The following UNC80 variants were observed in gnomAD, a reference collection of about 807,000 sequenced individuals.
The protein encoded by UNC80 is unc-80 subunit of NALCN channel complex, also known as protein unc-80 homolog.
Under a neutral mutation model 384.6 loss-of-function variants are expected in UNC80, and 164 were observed. The observed-to-expected ratio is 0.43, with a 90% CI of 0.38 to 0.49. The LOEUF is 0.49. Among genes scored for constraint, UNC80 ranks in the 20% least tolerant of loss-of-function variants. The pLI is 0.00. For synonymous variants in UNC80, 1,486 were observed against 1,527.8 expected, an observed-to-expected ratio of 0.97 and a Z score of 0.64; for missense variants, 3,330 against 4,143.0, an observed-to-expected ratio of 0.80 and a Z score of 5.39.
chr2:209,839,425 CCAT>C lies in UNC80; in HGVS notation c.3246_3248del (p.Ile1083del). The stretch of plus-strand genomic sequence containing the variant: ...TCCCTCCGAAAGAAGCTTAAACTCC[CCAT>C]AGGTAAAAGTATGTCTGTATTTGTT... On this transcript the variant is annotated inframe_deletion and splice_region_variant, in exon 19 of 65. Transcript: ENST00000673920. This position sits in a 1 kb window ranked among gnomAD's most constrained non-coding sequence, Gnocchi z 4.1. 6.4e-7 allele frequency: 1 copy of C among 1,552,002 alleles called. No individual in the cohort carries two copies. The highest frequency in any genetic ancestry group is 8.7e-7 in the Non-Finnish European group (1 of 1,147,066).
At chr2:209,908,489 A>G (rs1382005790) in intron 29 of UNC80, among the ~76,000 whole-genome samples, 4 of 152,212 alleles carry the variant, frequency 2.6e-5, no homozygotes, top group African/African-American at 9.6e-5. Context: ...TTTTTCCTCT[A>G]TGTCTGTACT....
chr2:209,775,813 C>G, intron 2 of UNC80, 76 bp from the exon 3 acceptor site: 1 of 1,482,090 alleles, frequency 6.7e-7, no homozygotes, highest in Non-Finnish European at 9.2e-7. Context: ...TTTTCACTAA[C>G]CAGAATCTTC....
intron 51 of UNC80, among the ~76,000 whole-genome samples, chr2:209,964,201 A>G (rs2092678998): frequency 1.3e-5 from 2 of 152,200 alleles, no homozygotes. Flanking sequence ...AAAGAATTAC[A>G]TGATATTACC....
intron 4 of UNC80, among the ~76,000 whole-genome samples, chr2:209,781,530 G>A (rs2077155168): frequency 6.6e-6 from 1 of 151,824 alleles, no homozygotes; most frequent in Non-Finnish European, 1.5e-5. Flanking sequence ...CTATCATCAT[G>A]CCCTCTTCTT....
At chr2:209,971,851 A>G (rs1450137479) in intron 54 of UNC80, among the ~76,000 whole-genome samples, 1 of 152,234 alleles carries the variant, frequency 6.6e-6, no homozygotes, top group Non-Finnish European at 1.5e-5. Context: ...GCAAGTGAGA[A>G]GTTCTGATTT....
intron 51 of UNC80, chr2:209,960,881 G>A (rs941109944): frequency 6.6e-6 from 1 of 152,186 alleles, no homozygotes; most frequent in African/African-American, 2.4e-5. Context: ...GAGTGTTAAG[G>A]TACTGCTGTC....
chr2:209,927,073 C>T, intron 36 of UNC80, 87 bp downstream of exon 36: 1 of 1,387,692 alleles, frequency 7.2e-7, no homozygotes, highest in Non-Finnish European at 9.8e-7. Context: ...AACACATTAT[C>T]TACTGGCCAC....
rs749053111 is a variant in UNC80, at chr2:209,842,363, G to A, written c.3371G>A (p.Ser1124Asn). ...TTCTTTTTTCAGGTCAAATTCACTA[G>A]TGCTGTGAAGCTTTCTGAAGGTGGG... ...IRQSSKVKFTSAVKLSEGGPG... is the reference protein window; with the variant it reads ...IRQSSKVKFTNAVKLSEGGPG... The change falls in exon 21 of 65, where the codon AGT becomes AAT. Residue 1124 changes from serine (S) to asparagine (N), a missense_variant. Ser to Asn is a conservative substitution (Grantham distance 46, BLOSUM62 1). This residue lies in a region of UNC80 where 801 missense variants were observed against 950.8 expected (regional missense o/e 0.84). Transcript: ENST00000673920. The A allele has an allele frequency of 1.9e-6, 3 of 1,549,616 alleles. No homozygotes were observed. The highest frequency in any genetic ancestry group is 2.4e-5 in the South Asian group (2 of 83,834).
chr2:209,959,786 T>C, intron 51 of UNC80, 79 bp downstream of exon 51: 1 of 1,336,022 alleles, frequency 7.5e-7, no homozygotes, highest in Non-Finnish European at 1.0e-6. Context: ...GGGTTGAGAG[T>C]GGGGGTTCTC....
chr2:209,984,993 C>CTCTCTG lies in UNC80; in HGVS notation c.9314+84_9314+85insCTGTCT, dbSNP rs2093254354. On this transcript the variant is annotated intron_variant, in intron 61 of 64. Coordinates refer to ENST00000673920, the MANE Select transcript of UNC80 (RefSeq NM_001371986.1). ...CCTGTCTCCTCTGTCTCTCTGTCTT[C>CTCTCTG]TCTGTCTCTTCTCGCCCCGTCTTAA... 3 of 1,250,982 alleles carry CTCTCTG rather than the reference C, an allele frequency of 2.4e-6. No individual in the cohort carries two copies. In the African/African-American group the frequency reaches 4.6e-5, roughly 19 times the overall value. 77.5% of individuals were successfully genotyped at this position (1,250,982 alleles called of 1,614,324 possible).
chr2:209,938,714 G>A (rs199741200), intron 42 of UNC80, among the ~76,000 whole-genome samples: 1 of 131,946 alleles, frequency 7.6e-6, no homozygotes, highest in African/African-American at 2.7e-5. Context: ...CTCTCTCTGT[G>A]TGTGTGTGTG....
At chr2:209,786,233 C>T in intron 5 of UNC80, 44 bp downstream of exon 5, 1 of 1,590,280 alleles carries the variant, frequency 6.3e-7, no homozygotes, top group Non-Finnish European at 8.6e-7. Flanking sequence ...AGCAGATTCC[C>T]TCACACACAG....
At chr2:209,895,563 T>A (rs1327210934) in intron 27 of UNC80, among the ~76,000 whole-genome samples, 1 of 152,190 alleles carries the variant, frequency 6.6e-6, no homozygotes, top group East Asian at 1.9e-4. Flanking sequence ...ATCAGTTAAT[T>A]TGGGGAAAAA....
chr2:209,970,023 C>T (rs896972306), intron 53 of UNC80, 132 bp downstream of exon 53: 2 of 1,159,476 alleles, frequency 1.7e-6, no homozygotes, highest in African/African-American at 3.1e-5. Flanking sequence ...GCTCAGGTGA[C>T]ACTGAAAATA....
intron 28 of UNC80, among the ~76,000 whole-genome samples, chr2:209,903,320 A>ATGTGTGTGTG (rs34002751): frequency 9.5e-6 from 1 of 105,788 alleles, no homozygotes; most frequent in Non-Finnish European, 1.8e-5. Flanking sequence ...ATTATATTAT[A>ATGTGTGTGTG]TGTGTGTGTG....
intron 13 of UNC80, among the ~76,000 whole-genome samples, chr2:209,822,748 A>G (rs1238704459): frequency 6.6e-6 from 1 of 152,072 alleles, no homozygotes; most frequent in Admixed American, 6.6e-5. Flanking sequence ...CCACATTTTT[A>G]TTGAAAACCT....
chr2:209,841,031 C>T (rs543478131), intron 20 of UNC80, among the ~76,000 whole-genome samples: 1 of 152,228 alleles, frequency 6.6e-6, no homozygotes, highest in Admixed American at 6.5e-5. Context: ...ATAATTCATC[C>T]TTTTCCCACT....
At chr2:209,815,063 A>G (rs1250546168) in intron 8 of UNC80, among the ~76,000 whole-genome samples, 194 bp from the exon 9 acceptor site, 1 of 152,198 alleles carries the variant, frequency 6.6e-6, no homozygotes, top group Non-Finnish European at 1.5e-5. Flanking sequence ...AAAACTTCAA[A>G]CAGAAATTAC....
In UNC80 at chr2:209,941,307, G is replaced by A. The variant is rs1475555762; in HGVS notation, c.6733G>A (p.Glu2245Lys). The A allele has an allele frequency of 6.5e-7, 1 of 1,548,878 alleles. No homozygotes were observed. The highest frequency in any genetic ancestry group is 8.7e-7 in the Non-Finnish European group (1 of 1,144,626). ...LEEMFLGMPS[E>K]FPWGDEIMLF... ...GGAAATGTTCCTGGGCATGCCGAGC[G>A]AGTTTCCATGGGGAGACGAAATCAT... The change falls in exon 44 of 65, where the codon GAG becomes AAG. Residue 2245 changes from glutamate (E) to lysine (K), a missense_variant. Glu to Lys is a moderately conservative substitution (Grantham distance 56). Transcript: ENST00000673920.
Sources: gnomAD v4.1 joint callset for allele counts (sites outside exome capture counted in the v4.1 genomes callset) on GRCh38, gnomAD v4.1.1 for gene constraint, gnomAD v4.1.1 regional missense constraint, Gnocchi (gnomAD v3.1) non-coding constraint, MANE v1.5 for transcripts, NCBI Gene and HGNC (gene_info 2026-07-23, HGNC 2026-07-21) for gene names.